Variants in CHLSN observed in about 807,000 individuals in gnomAD.
CHLSN encodes the protein cholesin, also known as protein cholesin.
the CHLSN span, chr7:1,000,438 C>G: frequency 9.3e-7 from 1 of 1,080,156 alleles, no homozygotes. Context: ...CCTCAGCCCC[C>G]AGGAGACGTG....
chr7:1,112,467 C>G, the CHLSN span, among the ~76,000 whole-genome samples: 4 of 152,190 alleles, frequency 2.6e-5, no homozygotes, highest in African/African-American at 9.6e-5. Flanking sequence ...GAGAAAGAGA[C>G]CACAGGAGTG....
At chr7:1,034,812 A>G in the CHLSN span, among the ~76,000 whole-genome samples, 1 of 143,468 alleles carries the variant, frequency 7.0e-6, no homozygotes, top group Non-Finnish European at 1.5e-5. Flanking sequence ...TCCACCCTCA[A>G]ATTCACTCCT....
the CHLSN span, among the ~76,000 whole-genome samples, chr7:1,118,690 G>T: frequency 6.6e-6 from 1 of 151,650 alleles, no homozygotes; most frequent in African/African-American, 2.4e-5. Flanking sequence ...GCCGGGAAAG[G>T]TGGCTCACGC....
the CHLSN span, chr7:1,028,656 C>A: frequency 1.1e-6 from 1 of 921,412 alleles, no homozygotes; most frequent in Non-Finnish European, 1.3e-6. Context: ...CGCCCCCACC[C>A]AGCCCCTATC....
At chr7:1,072,841 G>T in the CHLSN span, among the ~76,000 whole-genome samples, 1 of 151,986 alleles carries the variant, frequency 6.6e-6, no homozygotes, top group Non-Finnish European at 1.5e-5. Flanking sequence ...GCGCCACCAC[G>T]CCTGGCTAAT....
At chr7:984,611 G>A in the CHLSN span, 7 of 1,539,192 alleles carry the variant, frequency 4.5e-6, no homozygotes, top group African/African-American at 8.2e-5. Context: ...CCTACTGGGT[G>A]TGGGGGCACC....
the CHLSN span, among the ~76,000 whole-genome samples, chr7:1,023,624 AAC>A: frequency 0.064 from 7,789 of 121,954 alleles, 246 homozygotes; most frequent in East Asian, 0.078. This position sits in a 1 kb window ranked among gnomAD's most constrained non-coding sequence, Gnocchi z 5.0. Context: ...CCTCCCAGGA[AAC>A]ACACACACAC....
the CHLSN span, among the ~76,000 whole-genome samples, chr7:1,094,376 T>C: frequency 6.6e-6 from 1 of 152,398 alleles, no homozygotes; most frequent in East Asian, 1.9e-4. Flanking sequence ...TAGCCACCTG[T>C]ACTACCCCCT....
chr7:1,086,181 C>T, the CHLSN span, among the ~76,000 whole-genome samples: 2 of 152,222 alleles, frequency 1.3e-5, no homozygotes, highest in African/African-American at 4.8e-5. Context: ...CTTCCTCAGC[C>T]GCTGGGATGG....
chr7:1,008,020 G>A, the CHLSN span, among the ~76,000 whole-genome samples: 1 of 152,194 alleles, frequency 6.6e-6, no homozygotes, highest in Non-Finnish European at 1.5e-5. Flanking sequence ...AGCAGCGGAA[G>A]GTGCTGGCAG....
the CHLSN span, among the ~76,000 whole-genome samples, chr7:1,019,154 A>G: frequency 7.6e-6 from 1 of 132,296 alleles, no homozygotes; most frequent in South Asian, 2.4e-4. Context: ...AGATCGCGCC[A>G]TTGCACTCCA....
the CHLSN span, among the ~76,000 whole-genome samples, chr7:998,457 C>CTTTTTTTTTTTT: frequency 5.3e-5 from 5 of 95,012 alleles, no homozygotes; most frequent in Admixed American, 1.3e-4. Flanking sequence ...GTCTTAGATT[C>CTTTTTTTTTTTT]TTTTTTTTTT....
chr7:1,035,681 C>T, the CHLSN span, among the ~76,000 whole-genome samples: 4 of 152,182 alleles, frequency 2.6e-5, no homozygotes, highest in Non-Finnish European at 5.9e-5. Context: ...GCACTCATCG[C>T]TGTGGGAAGT....
chr7:1,093,045 C>T, the CHLSN span: 8 of 714,152 alleles, frequency 1.1e-5, no homozygotes, highest in Admixed American at 1.6e-4. Context: ...CGACTGGTCA[C>T]CTTGCACTCC....
chr7:1,028,522 C>A, the CHLSN span: 1 of 985,122 alleles, frequency 1.0e-6, no homozygotes, highest in Non-Finnish European at 1.2e-6. Context: ...CTGCTGCAGC[C>A]CCCACTGCTC....
chr7:1,091,498 G>A, the CHLSN span: 8 of 506,410 alleles, frequency 1.6e-5, no homozygotes, highest in South Asian at 1.1e-4. Flanking sequence ...GAGGGCCCTC[G>A]CCTCCACGGA....
the CHLSN span, chr7:1,027,071 C>T: frequency 6.6e-6 from 1 of 152,210 alleles, no homozygotes; most frequent in East Asian, 1.9e-4. Context: ...GAACATGTTA[C>T]CGCCTCTAAA....
At chr7:1,023,691 C>A in the CHLSN span, among the ~76,000 whole-genome samples, 1 of 147,836 alleles carries the variant, frequency 6.8e-6, no homozygotes, top group African/African-American at 2.5e-5. The surrounding 1 kb of genome is among the most constrained non-coding windows in gnomAD (Gnocchi z 5.0). Flanking sequence ...GCAACGCGCC[C>A]AGACCCCAAT....
chr7:992,470 C>A, the CHLSN span, among the ~76,000 whole-genome samples: 4 of 152,248 alleles, frequency 2.6e-5, no homozygotes, highest in African/African-American at 4.8e-5. Flanking sequence ...GCTTTACCCA[C>A]GGAGACGCCG....
Sources: allele counts gnomAD v4.1 joint callset (sites outside exome capture counted in the v4.1 genomes callset), GRCh38; gene constraint gnomAD v4.1.1; non-coding constraint Gnocchi (gnomAD v3.1); transcripts MANE v1.5; gene names NCBI Gene and HGNC (gene_info 2026-07-23, HGNC 2026-07-21).